The following ARSB variants were observed in gnomAD, a reference collection of about 807,000 sequenced individuals.
ARSB encodes the protein arylsulfatase B.
Under a neutral mutation model 50.9 loss-of-function variants are expected in ARSB, and 41 were observed. The observed-to-expected ratio is 0.81, with a 90% confidence interval of 0.63 to 1.04. ARSB has a LOEUF of 1.04. Ranked by LOEUF, ARSB falls within the 50% of genes least tolerant of loss-of-function variation. ARSB has a pLI of 0.00. For synonymous variants in ARSB, 269 were observed against 284.8 expected (o/e 0.94, Z 0.56); for missense variants, 672 against 693.3 (o/e 0.97, Z 0.35).
intron 4 of ARSB, among the ~76,000 whole-genome samples, chr5:78,928,742 AAATT>A (rs1442243701): frequency 6.6e-6 from 1 of 152,238 alleles, no homozygotes; most frequent in South Asian, 2.1e-4. Flanking sequence ...AAAATCCATG[AAATT>A]AATTGTATTC....
intron 4 of ARSB, among the ~76,000 whole-genome samples, chr5:78,897,849 C>A (rs1748636730): frequency 6.6e-6 from 1 of 151,780 alleles, no homozygotes; most frequent in African/African-American, 2.4e-5. Context: ...AGAAAATTCA[C>A]CAATTTTTAA....
chr5:78,865,893 T>C (rs1032564820), intron 5 of ARSB, among the ~76,000 whole-genome samples: 2 of 152,240 alleles, frequency 1.3e-5, no homozygotes, highest in Non-Finnish European at 2.9e-5. Context: ...CTCATCTCCA[T>C]CCAAGACCAC....
chr5:78,902,078 G>T (rs1748834643), intron 4 of ARSB, among the ~76,000 whole-genome samples: 1 of 152,234 alleles, frequency 6.6e-6, no homozygotes, highest in African/African-American at 2.4e-5. Context: ...AGAACATGGT[G>T]CTGGCACCAG....
At chr5:78,956,453 G>T (rs959107902) in intron 3 of ARSB, among the ~76,000 whole-genome samples, 1 of 151,900 alleles carries the variant, frequency 6.6e-6, no homozygotes, top group African/African-American at 2.4e-5. Flanking sequence ...ATTGTGGTAT[G>T]GTTGCATAAC....
intron 4 of ARSB, among the ~76,000 whole-genome samples, chr5:78,928,450 G>A (rs2112378979): frequency 6.6e-6 from 1 of 151,526 alleles, no homozygotes; most frequent in South Asian, 2.1e-4. Flanking sequence ...GAGTAGCTGG[G>A]ACTACAGGGG....
intron 6 of ARSB, among the ~76,000 whole-genome samples, chr5:78,830,786 T>G (rs181950920): frequency 6.6e-6 from 1 of 152,182 alleles, no homozygotes; most frequent in South Asian, 2.1e-4. Context: ...GGCTCTGTGA[T>G]TGAGGGCATG....
chr5:78,904,536 T>C (rs1748951646), intron 4 of ARSB, among the ~76,000 whole-genome samples: 1 of 152,058 alleles, frequency 6.6e-6, no homozygotes, highest in Non-Finnish European at 1.5e-5. Flanking sequence ...TTTATATATT[T>C]TTTCTACACT....
At chr5:78,801,890 T>C (rs1743407403) in intron 6 of ARSB, among the ~76,000 whole-genome samples, 1 of 152,020 alleles carries the variant, frequency 6.6e-6, no homozygotes, top group African/African-American at 2.4e-5. Context: ...GAATATCTAG[T>C]TTGCACTTCT....
At chr5:78,940,683 T>C (rs1750870307) in intron 4 of ARSB, among the ~76,000 whole-genome samples, 1 of 152,254 alleles carries the variant, frequency 6.6e-6, no homozygotes, top group South Asian at 2.1e-4. Context: ...TTTCAGTCAC[T>C]GTAGCCTTGT....
At position 78,985,089 on chromosome 5, in the gene ARSB, C is replaced by T. The variant is rs1554032216; in HGVS notation, c.160G>A (p.Asp54Asn). Reference sequence around the variant, plus strand: ...AAGCCGACGTCGTTCCAGCCTAGGTCGTCTGCCAGCAAGAAGACCAGGTGG... The same window carrying T: ...AAGCCGACGTCGTTCCAGCCTAGGTTGTCTGCCAGCAAGAAGACCAGGTGG... ...PPHLVFLLAD[D>N]LGWNDVGFHG... The change falls in exon 1 of 8, where the codon GAC becomes AAC. Residue 54 changes from aspartate (D) to asparagine (N), a missense_variant. Coordinates refer to ENST00000264914, the MANE Select transcript of ARSB (RefSeq NM_000046.5). The T allele has an allele frequency of 6.5e-7, 1 of 1,529,562 alleles. No individual in the cohort carries two copies. Among genetic ancestry groups the T allele is most frequent in the South Asian group, 1.2e-5 (1 of 82,052 alleles). 94.7% of individuals were successfully genotyped at this position (1,529,562 alleles called of 1,614,324 possible). A position where few individuals can be genotyped will look rare whatever the true frequency, so the allele number is the denominator to read the frequency against.
At chr5:78,928,889 T>C (rs1366936278) in intron 4 of ARSB, among the ~76,000 whole-genome samples, 1 of 152,228 alleles carries the variant, frequency 6.6e-6, no homozygotes, top group Non-Finnish European at 1.5e-5. Flanking sequence ...CCTGTGGTCT[T>C]GTGTGCCTCT....
intron 1 of ARSB, 129 bp downstream of exon 1, chr5:78,984,808 G>A (rs1171702173): frequency 2.9e-6 from 2 of 681,076 alleles, no homozygotes; most frequent in Non-Finnish European, 4.0e-6. Flanking sequence ...AAGCCGCCGG[G>A]ACCCATAACT....
rs200797961 is a variant in ARSB, at chr5:78,871,507, C to T, written c.1142+14077G>A. On this transcript the variant is annotated intron_variant, in intron 5 of 7. Coordinates refer to ENST00000264914, the MANE Select transcript of ARSB (RefSeq NM_000046.5). ...AACAGAACAGAGCCCTCAGAAATAA[C>T]GCCGCTTACCTACAACTATCTGATC... Among the ~76,000 whole-genome samples, 19 of 150,634 alleles carry T rather than the reference C, an allele frequency of 1.3e-4. No homozygotes were observed. In the East Asian group the frequency reaches 2.1e-3, roughly 17 times the overall value.
intron 5 of ARSB, among the ~76,000 whole-genome samples, chr5:78,868,727 A>G (rs1445624625): frequency 2.8e-5 from 4 of 143,970 alleles, no homozygotes; most frequent in South Asian, 2.4e-4. Flanking sequence ...TGTAAAGACC[A>G]TCGAGACTAG....
intron 4 of ARSB, among the ~76,000 whole-genome samples, chr5:78,887,652 A>G (rs1490800761): frequency 6.6e-6 from 1 of 152,224 alleles, no homozygotes; most frequent in African/African-American, 2.4e-5. Context: ...CAACCCAAAT[A>G]GTTTAGTATT....
rs540745186 is a variant in ARSB, at chr5:78,792,040, A to C, written c.1214-10066T>G. On this transcript the variant is annotated intron_variant, in intron 6 of 7. Coordinates refer to ENST00000264914, the MANE Select transcript of ARSB (RefSeq NM_000046.5). ...TGACAGCTGATGAGCTAAAAAAAAA[A>C]AGAAATTGCAAGAAAACTCATAATG... Among the ~76,000 whole-genome samples, 7 of 152,280 alleles carry C rather than the reference A, an allele frequency of 4.6e-5. No homozygotes were observed. In the South Asian group the frequency reaches 1.5e-3, roughly 32 times the overall value.
At chr5:78,834,607 G>GTGTGTA (rs1185355030) in intron 6 of ARSB, among the ~76,000 whole-genome samples, 3,717 of 85,594 alleles carry the variant, frequency 0.043, 197 homozygotes, top group East Asian at 0.079. Context: ...ATATATATGT[G>GTGTGTA]TATATATATA....
intron 4 of ARSB, among the ~76,000 whole-genome samples, chr5:78,938,336 T>C (rs1289145457): frequency 6.6e-6 from 1 of 152,228 alleles, no homozygotes. Flanking sequence ...ATGCTCTCAG[T>C]GTGGACATTA....
intron 6 of ARSB, among the ~76,000 whole-genome samples, chr5:78,797,330 G>T (rs1444902796): frequency 1.3e-5 from 2 of 152,036 alleles, no homozygotes; most frequent in Admixed American, 1.3e-4. Flanking sequence ...CAATGTTTTC[G>T]TTCCTCTAGT....
Sources: gnomAD v4.1 joint callset for allele counts (sites outside exome capture counted in the v4.1 genomes callset) on GRCh38, gnomAD v4.1.1 for gene constraint, MANE v1.5 for transcripts, NCBI Gene and HGNC (gene_info 2026-07-23, HGNC 2026-07-21) for gene names.